Variants in PDE4D observed in about 807,000 individuals in gnomAD.
PDE4D encodes the protein phosphodiesterase 4D, also known as 3',5'-cyclic-AMP phosphodiesterase 4D.
In PDE4D, 24 loss-of-function variants were observed where a neutral mutation model predicts 87.4. The observed-to-expected ratio is 0.27, with a 90% CI of 0.20 to 0.39. PDE4D has a LOEUF of 0.39. PDE4D is among the 10% of genes least tolerant of loss of function. The probability of loss-of-function intolerance (pLI) is 1.00; values close to 1 mark genes in which losing one functional copy is unlikely to be tolerated. For missense variants in PDE4D, 714 were observed against 1,041.0 expected, an observed-to-expected ratio of 0.69 and a Z score of 4.32; for synonymous variants, 384 against 383.2, an observed-to-expected ratio of 1.00 and a Z score of -0.02.
intron 1 of PDE4D, among the ~76,000 whole-genome samples, chr5:59,884,240 G>GTC (rs1456954057): frequency 1.3e-5 from 2 of 151,638 alleles, no homozygotes; most frequent in African/African-American, 4.8e-5. Context: ...CTCTGTCTCT[G>GTC]TCTCTCTCTC....
chr5:59,665,497 T>A (rs1745932557), intron 1 of PDE4D, among the ~76,000 whole-genome samples: 1 of 152,218 alleles, frequency 6.6e-6, no homozygotes, highest in African/African-American at 2.4e-5. Context: ...TATAACTTCA[T>A]CACATTCAGA....
At chr5:59,352,170 C>T (rs1227714818) in intron 1 of PDE4D, among the ~76,000 whole-genome samples, 1 of 152,142 alleles carries the variant, frequency 6.6e-6, no homozygotes, top group East Asian at 1.9e-4. Context: ...TAGTAAGTGT[C>T]CAATACAAAC....
intron 1 of PDE4D, among the ~76,000 whole-genome samples, chr5:60,298,087 T>C (rs962776602): frequency 6.6e-6 from 1 of 152,156 alleles, no homozygotes; most frequent in Non-Finnish European, 1.5e-5. Flanking sequence ...TGGCTGTGGT[T>C]TACATATAGT....
intron 2 of PDE4D, among the ~76,000 whole-genome samples, chr5:60,086,184 C>CTAGAT (rs1774507390): frequency 6.6e-6 from 1 of 152,012 alleles, no homozygotes; most frequent in Admixed American, 6.6e-5. Context: ...CTTAAATATT[C>CTAGAT]TAGATAAAAC....
At chr5:60,504,961 T>C (rs1308220077) in intron 1 of PDE4D, among the ~76,000 whole-genome samples, 1 of 152,192 alleles carries the variant, frequency 6.6e-6, no homozygotes, top group Non-Finnish European at 1.5e-5. Context: ...TGACATTCAT[T>C]TTGTTCCAAA....
chr5:59,250,654 C>G (rs1460996181), intron 1 of PDE4D, among the ~76,000 whole-genome samples: 1 of 151,954 alleles, frequency 6.6e-6, no homozygotes, highest in Non-Finnish European at 1.5e-5. Context: ...TAGTTAGAAG[C>G]TGTGAAATAC....
intron 1 of PDE4D, among the ~76,000 whole-genome samples, chr5:60,371,850 T>A (rs945398416): frequency 6.6e-6 from 1 of 152,218 alleles, no homozygotes; most frequent in Admixed American, 6.5e-5. Flanking sequence ...TTCTTCTTTA[T>A]TGCTACTGCG....
At chr5:59,013,967 C>T (rs948874415) in intron 6 of PDE4D, among the ~76,000 whole-genome samples, 1 of 152,226 alleles carries the variant, frequency 6.6e-6, no homozygotes, top group Non-Finnish European at 1.5e-5. Flanking sequence ...TGGGCTTCAT[C>T]CCTGGGATGC....
At chr5:59,051,956 C>CTAA (rs145204507) in intron 5 of PDE4D, among the ~76,000 whole-genome samples, 5 of 93,156 alleles carry the variant, frequency 5.4e-5, no homozygotes, top group African/African-American at 2.2e-4. Flanking sequence ...TTTTCTTTCT[C>CTAA]TCTTTTTCCC....
chr5:60,108,635 C>T (rs1475229764), intron 2 of PDE4D, among the ~76,000 whole-genome samples: 1 of 152,064 alleles, frequency 6.6e-6, no homozygotes, highest in African/African-American at 2.4e-5. Context: ...GTAACCAAAA[C>T]AGCATGGTAC....
rs1002598291 is a variant in PDE4D at position 58,973,806 on chromosome 5, G to T, written c.*858C>A. 6.6e-6 allele frequency: 1 copy of T among 152,416 alleles called. No homozygotes were observed. Among genetic ancestry groups the T allele is most frequent in the South Asian group, 2.1e-4 (1 of 4,826 alleles). The allele number at this position is 152,416 out of a possible 1,614,324, so 9.4% of individuals were successfully genotyped here. The stretch of plus-strand genomic sequence containing the variant: ...TAAATAATAAAGACTTACAAAAAGG[G>T]TTTCCTGCAACATAAAGTTGTTTTT... On this transcript the variant is annotated 3_prime_UTR_variant, in exon 15 of 15. Coordinates refer to ENST00000340635, the MANE Select transcript of PDE4D (RefSeq NM_001104631.2).
intron 2 of PDE4D, among the ~76,000 whole-genome samples, chr5:59,196,788 T>C (rs1360680709): frequency 3.3e-5 from 5 of 152,084 alleles, no homozygotes; most frequent in Non-Finnish European, 7.4e-5. Flanking sequence ...GCATTCAAGA[T>C]AGTTCAATGG....
At chr5:60,245,421 C>A (rs1261996621) in intron 1 of PDE4D, among the ~76,000 whole-genome samples, 1 of 151,870 alleles carries the variant, frequency 6.6e-6, no homozygotes. Flanking sequence ...ACCCAGCAAT[C>A]CCACTCCTAG....
At chr5:60,337,877 C>A (rs1395360939) in intron 1 of PDE4D, among the ~76,000 whole-genome samples, 2 of 151,436 alleles carry the variant, frequency 1.3e-5, no homozygotes, top group East Asian at 1.9e-4. Context: ...GAGTTCCTAC[C>A]AAAAAACATT....
chr5:59,343,036 A>G (rs1779020021), intron 1 of PDE4D, among the ~76,000 whole-genome samples: 2 of 150,854 alleles, frequency 1.3e-5, no homozygotes, highest in Non-Finnish European at 2.9e-5. Flanking sequence ...TTACAATGGT[A>G]AATTCGTGTC....
At chr5:60,516,198 G>A (rs1203930425) in intron 1 of PDE4D, among the ~76,000 whole-genome samples, 1 of 152,234 alleles carries the variant, frequency 6.6e-6, no homozygotes. Flanking sequence ...TGTAGGTTAT[G>A]AGTGAGTTAA....
At chr5:59,008,532 T>TC (rs1305781250) in intron 6 of PDE4D, among the ~76,000 whole-genome samples, 1 of 151,972 alleles carries the variant, frequency 6.6e-6, no homozygotes, top group African/African-American at 2.4e-5. Context: ...CAATTGAGCA[T>TC]CCACTCATAA....
At chr5:59,306,990 T>C (rs1485941553) in intron 1 of PDE4D, among the ~76,000 whole-genome samples, 7 of 90,390 alleles carry the variant, frequency 7.7e-5, no homozygotes, top group Non-Finnish European at 3.9e-5. Context: ...CAAAACAGCA[T>C]GGTACTGGTA....
At chr5:60,478,774 C>T (rs1748512077) in intron 1 of PDE4D, among the ~76,000 whole-genome samples, 1 of 152,210 alleles carries the variant, frequency 6.6e-6, no homozygotes, top group South Asian at 2.1e-4. Flanking sequence ...GAGGCTTTCT[C>T]ACCCAGCCTC....
Sources: gnomAD v4.1 joint callset for allele counts (sites outside exome capture counted in the v4.1 genomes callset) on GRCh38, gnomAD v4.1.1 for gene constraint, MANE v1.5 for transcripts, NCBI Gene and HGNC (gene_info 2026-07-23, HGNC 2026-07-21) for gene names.